GABBR2: variants seen among roughly 807,000 people sequenced by gnomAD.
GABBR2 encodes G-protein coupled receptor 51.
GABBR2 carries 23 observed loss-of-function variants against 105.6 expected under a neutral mutation model. The observed-to-expected ratio is 0.22, with a 90% CI of 0.16 to 0.31. The LOEUF (loss-of-function observed/expected upper bound fraction) is 0.31, where lower values mean the gene tolerates loss of function less well. GABBR2 is among the 10% of genes least tolerant of loss of function. The pLI, the probability that GABBR2 is intolerant of heterozygous loss-of-function variation, is 1.00. For synonymous variants in GABBR2, 478 were observed against 499.7 expected (o/e 0.96, Z 0.58); for missense variants, 734 against 1,245.5 (o/e 0.59, Z 6.18).
chr9:98,334,646 T>G (rs1831083415), intron 13 of GABBR2, among the ~76,000 whole-genome samples: 6 of 135,934 alleles, frequency 4.4e-5, no homozygotes, highest in Non-Finnish European at 6.2e-5. Context: ...AGGGCAAGAG[T>G]ATGGGTGGGT....
intron 1 of GABBR2, among the ~76,000 whole-genome samples, chr9:98,669,488 A>G (rs556215683): frequency 1.7e-4 from 26 of 152,290 alleles, no homozygotes; most frequent in African/African-American, 5.5e-4. Context: ...ATCATTTCAC[A>G]TTCTAATTTA....
intron 2 of GABBR2, among the ~76,000 whole-genome samples, chr9:98,572,435 C>T (rs578021424): frequency 3.3e-5 from 5 of 152,328 alleles, no homozygotes; most frequent in South Asian, 4.1e-4. Flanking sequence ...CAAAAAGGGC[C>T]GCCAGAGCTC....
intron 1 of GABBR2, among the ~76,000 whole-genome samples, chr9:98,641,001 GT>G (rs1789125789): frequency 6.6e-6 from 1 of 152,242 alleles, no homozygotes; most frequent in African/African-American, 2.4e-5. Flanking sequence ...CTTAGCACAC[GT>G]AAGAAAAGCC....
chr9:98,499,240 C>CTA (rs745488009), intron 3 of GABBR2, among the ~76,000 whole-genome samples: 4 of 152,186 alleles, frequency 2.6e-5, no homozygotes, highest in Non-Finnish European at 4.4e-5. Flanking sequence ...TGTATGAAAG[C>CTA]TATATATAAA....
At chr9:98,584,810 C>T (rs549238095) in intron 1 of GABBR2, among the ~76,000 whole-genome samples, 4 of 152,256 alleles carry the variant, frequency 2.6e-5, no homozygotes, top group Admixed American at 6.5e-5. Flanking sequence ...AACCTGCCCC[C>T]GTTAGAAAGT....
At chr9:98,415,356 C>T (rs554442671) in intron 7 of GABBR2, among the ~76,000 whole-genome samples, 20 of 152,252 alleles carry the variant, frequency 1.3e-4, no homozygotes, top group African/African-American at 4.8e-4. Flanking sequence ...CTAATACTCC[C>T]TCTTGAAATA....
At chr9:98,413,453 T>C (rs932093590) in intron 7 of GABBR2, among the ~76,000 whole-genome samples, 24 of 134,582 alleles carry the variant, frequency 1.8e-4, no homozygotes, top group Admixed American at 1.4e-4. Context: ...AAAATATTCT[T>C]TTTTTTTTCT....
Position 98,348,367 on chromosome 9 carries a change from A to T in GABBR2, c.1893+14348T>A, listed in dbSNP as rs1831335546. Among the ~76,000 whole-genome samples, 3 of 152,172 alleles carry T rather than the reference A, an allele frequency of 2.0e-5. No individual in the cohort carries two copies. The South Asian group carries it at 6.2e-4, about 32-fold the overall frequency. ...AGTATATTTTGCAGTCAAGTAGTTG[A>T]ATGCCTTCTGCTTTATATCTTTTGC... On this transcript the variant is annotated intron_variant, in intron 13 of 18. Coordinates refer to ENST00000259455, the MANE Select transcript of GABBR2 (RefSeq NM_005458.8).
At chr9:98,424,997 G>T (rs1276526520) in intron 7 of GABBR2, among the ~76,000 whole-genome samples, 1 of 151,644 alleles carries the variant, frequency 6.6e-6, no homozygotes, top group Non-Finnish European at 1.5e-5. Context: ...AAGTTCATAT[G>T]GAACCAAAAA....
intron 1 of GABBR2, among the ~76,000 whole-genome samples, chr9:98,627,692 G>C (rs1031515392): frequency 6.6e-6 from 1 of 152,236 alleles, no homozygotes; most frequent in African/African-American, 2.4e-5. Context: ...GGGTCCGTGT[G>C]CTGGCTGATC....
chr9:98,683,621 C>T (rs556333664), intron 1 of GABBR2, among the ~76,000 whole-genome samples: 162 of 151,930 alleles, frequency 1.1e-3, no homozygotes, highest in Non-Finnish European at 1.9e-3. Context: ...CATGGAGATG[C>T]GCATCTATTT....
At chr9:98,583,596 T>A (rs560314179) in intron 1 of GABBR2, among the ~76,000 whole-genome samples, 141 of 152,246 alleles carry the variant, frequency 9.3e-4, no homozygotes, top group African/African-American at 3.2e-3. Flanking sequence ...TCAGGAAGGG[T>A]GGGTGAATGT....
intron 13 of GABBR2, among the ~76,000 whole-genome samples, chr9:98,327,866 C>CAAAAA (rs35475912): frequency 6.8e-6 from 1 of 147,510 alleles, no homozygotes; most frequent in African/African-American, 2.5e-5. Context: ...GAGACTGTCT[C>CAAAAA]AAAAAAAATA....
chr9:98,702,641 C>T (rs971120072), intron 1 of GABBR2, among the ~76,000 whole-genome samples: 3 of 152,192 alleles, frequency 2.0e-5, no homozygotes, highest in Non-Finnish European at 2.9e-5. Context: ...ACACTGCACA[C>T]TTTTTTGCTT....
At position 98,454,173 on chromosome 9, in the gene GABBR2, G is replaced by A. The variant is rs151275459; in HGVS notation, c.1044C>T (p.Gly348=). 1.4e-4 allele frequency: 230 copies of A among 1,614,024 alleles called. No homozygotes were observed. The highest frequency in any genetic ancestry group is 1.8e-4 in the Admixed American group (11 of 60,016). The change falls in exon 7 of 19, where the codon GGC becomes GGT. Residue 348 remains glycine, a synonymous_variant. Transcript: ENST00000259455. The surrounding 1 kb of genome is among the most constrained non-coding windows in gnomAD (Gnocchi z 4.6). ...ACCCGTGGAACTTGCTGGGCCCCAC[G>A]CCTGACCGCTTGTTGTTGTACTCTC... ...YEREYNNKRS[G]VGPSKFHGYA...
chr9:98,438,379 G>A (rs1825971461), intron 7 of GABBR2, among the ~76,000 whole-genome samples: 1 of 151,904 alleles, frequency 6.6e-6, no homozygotes, highest in African/African-American at 2.4e-5. Context: ...CAGCCTTCCT[G>A]TGTATCTATT....
intron 7 of GABBR2, among the ~76,000 whole-genome samples, chr9:98,412,956 A>T (rs1428261696): frequency 2.0e-5 from 3 of 152,222 alleles, no homozygotes; most frequent in African/African-American, 7.2e-5. Context: ...TCTAGACTTT[A>T]TTGAATCTAA....
chr9:98,389,465 G>C (rs913050497), intron 9 of GABBR2, among the ~76,000 whole-genome samples: 1 of 152,206 alleles, frequency 6.6e-6, no homozygotes, highest in Non-Finnish European at 1.5e-5. Context: ...CACCTTGCCT[G>C]TTGGTTCCAT....
At chr9:98,413,402 A>G (rs1832623836) in intron 7 of GABBR2, among the ~76,000 whole-genome samples, 1 of 152,224 alleles carries the variant, frequency 6.6e-6, no homozygotes, top group African/African-American at 2.4e-5. Context: ...GAGAGAGAAA[A>G]ATAATTGAGT....
Sources: gnomAD v4.1 joint callset for allele counts (sites outside exome capture counted in the v4.1 genomes callset) on GRCh38, gnomAD v4.1.1 for gene constraint, Gnocchi (gnomAD v3.1) non-coding constraint, MANE v1.5 for transcripts, NCBI Gene and HGNC (gene_info 2026-07-23, HGNC 2026-07-21) for gene names.